The following NUP98 variants were observed in gnomAD, a reference collection of about 807,000 sequenced individuals.
NUP98 encodes the protein nuclear pore complex protein Nup98-Nup96.
NUP98 carries 26 observed loss-of-function variants against 191.9 expected under a neutral mutation model. The ratio of observed to expected loss-of-function variants is 0.14; its 90% CI spans 0.10 to 0.19. The LOEUF (loss-of-function observed/expected upper bound fraction) is 0.19, where lower values mean the gene tolerates loss of function less well. Ranked by LOEUF, NUP98 falls within the 10% of genes least tolerant of loss-of-function variation. NUP98 has a pLI of 1.00. For missense variants in NUP98, 1,941 were observed against 2,178.8 expected, an observed-to-expected ratio of 0.89 and a Z score of 2.17; for synonymous variants, 808 against 778.4, an observed-to-expected ratio of 1.04 and a Z score of -0.63.
intron 13 of NUP98, 96 bp from the exon 14 acceptor site, chr11:3,731,674 G>T: frequency 1.3e-6 from 1 of 784,362 alleles, no homozygotes; most frequent in Non-Finnish European, 1.9e-6. Context: ...CCTCATCTTT[G>T]TCATTCACCT....
intron 23 of NUP98, among the ~76,000 whole-genome samples, chr11:3,701,634 A>G (rs970873658): frequency 6.6e-6 from 1 of 151,970 alleles, no homozygotes; most frequent in Non-Finnish European, 1.5e-5. Context: ...GTTTAGGATC[A>G]GTATTCTTAA....
intron 12 of NUP98, among the ~76,000 whole-genome samples, chr11:3,739,730 T>C (rs1317010042): frequency 6.6e-6 from 1 of 151,994 alleles, no homozygotes; most frequent in Non-Finnish European, 1.5e-5. Context: ...ATCTAACAAA[T>C]TTCTAGGGGA....
At chr11:3,682,795 AT>A (rs2078019426) in intron 30 of NUP98, among the ~76,000 whole-genome samples, 1 of 152,242 alleles carries the variant, frequency 6.6e-6, no homozygotes, top group Non-Finnish European at 1.5e-5. Flanking sequence ...CAAACCTTTA[AT>A]TTGTAAAAAA....
intron 12 of NUP98, 30 bp from the exon 13 acceptor site, chr11:3,735,354 A>T: frequency 8.9e-7 from 1 of 1,125,792 alleles, no homozygotes; most frequent in Non-Finnish European, 1.2e-6. Context: ...AAAACAAAAT[A>T]TATATATATA....
chr11:3,734,717 G>C (rs999518499), intron 13 of NUP98, among the ~76,000 whole-genome samples: 4 of 152,116 alleles, frequency 2.6e-5, no homozygotes, highest in Admixed American at 2.6e-4. Flanking sequence ...TGCCACTTAA[G>C]AGCATTATGA....
chr11:3,718,261 C>T (rs2079258459), intron 18 of NUP98, among the ~76,000 whole-genome samples: 1 of 152,108 alleles, frequency 6.6e-6, no homozygotes, highest in Non-Finnish European at 1.5e-5. Context: ...ATTGGCCCGG[C>T]ACAGTGGCTC....
intron 8 of NUP98, among the ~76,000 whole-genome samples, chr11:3,764,333 G>A (rs2081268989): frequency 6.6e-6 from 1 of 152,078 alleles, no homozygotes; most frequent in African/African-American, 2.4e-5. Flanking sequence ...TACCACAATT[G>A]GTTACCCATT....
Position 3,713,802 on chromosome 11 carries a change from G to T in NUP98, c.2577+16C>A, listed in dbSNP as rs2134174051. On this transcript the variant is annotated intron_variant, in intron 19 of 32. Transcript: ENST00000324932. ...ATATAGTTTATAAAAGTCTGAACTG[G>T]GTTAAATGACTATACCTTAAACACC... 6.2e-7 allele frequency: 1 copy of T among 1,606,164 alleles called. No individual in the cohort carries two copies. Among genetic ancestry groups the T allele is most frequent in the South Asian group, 1.1e-5 (1 of 90,228 alleles).
At chr11:3,741,536 G>A (rs2080286410) in intron 12 of NUP98, among the ~76,000 whole-genome samples, 2 of 152,096 alleles carry the variant, frequency 1.3e-5, no homozygotes, top group South Asian at 2.1e-4. Context: ...AAGGAGAATC[G>A]CTTCAATCCA....
At chr11:3,701,778 C>A (rs924021119) in intron 23 of NUP98, among the ~76,000 whole-genome samples, 2 of 151,276 alleles carry the variant, frequency 1.3e-5, no homozygotes, top group African/African-American at 4.9e-5. Context: ...CTCCGCCTCC[C>A]GGGTTCACAC....
intron 1 of NUP98, among the ~76,000 whole-genome samples, chr11:3,791,110 T>G (rs552334574): frequency 2.0e-5 from 3 of 151,992 alleles, no homozygotes; most frequent in African/African-American, 4.8e-5. Context: ...TTAGCCAGGA[T>G]GGTCTCGATC....
intron 22 of NUP98, 121 bp downstream of exon 22, chr11:3,705,079 A>T (rs1263402342): frequency 2.3e-6 from 2 of 860,506 alleles, no homozygotes; most frequent in Non-Finnish European, 3.7e-6. Context: ...CTTATGTCAC[A>T]GGTATAGTTG....
At chr11:3,791,084 A>AT (rs1564937589) in intron 1 of NUP98, among the ~76,000 whole-genome samples, 3 of 151,816 alleles carry the variant, frequency 2.0e-5, no homozygotes, top group Non-Finnish European at 2.9e-5. Flanking sequence ...TTTAGTAGAG[A>AT]CGGGTTTTCA....
rs1370016530 is a variant in NUP98 at position 3,775,369 on chromosome 11, C to CA, written c.495+512dup. ...CCATGGTGAAACGCCATCTCTACTACAAAAAACTACAAAAAAATTAGCTGG... is the reference window on the plus strand; with the variant it reads ...CCATGGTGAAACGCCATCTCTACTACAAAAAAACTACAAAAAAATTAGCTGG... On this transcript the variant is annotated intron_variant, in intron 5 of 32. Coordinates refer to ENST00000324932, the MANE Select transcript of NUP98 (RefSeq NM_016320.5). Among the ~76,000 whole-genome samples, 7 of 151,858 alleles carry CA rather than the reference C, an allele frequency of 4.6e-5. 1 individual carries two copies. In the Middle Eastern group the frequency reaches 0.017, roughly 369 times the overall value.
intron 12 of NUP98, 76 bp downstream of exon 12, chr11:3,744,433 G>C (rs2080410680): frequency 2.1e-6 from 3 of 1,440,900 alleles, no homozygotes; most frequent in South Asian, 2.7e-5. Context: ...GAATGGGACA[G>C]GTGTAGGATG....
At chr11:3,772,799 G>A (rs2081573964) in intron 6 of NUP98, among the ~76,000 whole-genome samples, 1 of 138,484 alleles carries the variant, frequency 7.2e-6, no homozygotes. Context: ...AGGCAACAGA[G>A]CAAGACTCGT....
chr11:3,788,528 T>A (rs1376653615), intron 1 of NUP98, among the ~76,000 whole-genome samples: 1 of 151,740 alleles, frequency 6.6e-6, no homozygotes, highest in Non-Finnish European at 1.5e-5. Context: ...GAGGTGGAGG[T>A]TGCTGTGAGC....
intron 30 of NUP98, among the ~76,000 whole-genome samples, chr11:3,681,540 C>A (rs1485817818): frequency 1.3e-5 from 2 of 152,188 alleles, no homozygotes; most frequent in Admixed American, 6.5e-5. Context: ...ACATTAACCT[C>A]CTTATACGTC....
rs2079570021 is a variant in NUP98 at position 3,725,203 on chromosome 11, A to G, written c.1747T>C (p.Leu583=). The G allele has an allele frequency of 6.5e-7, 1 of 1,530,668 alleles. No homozygotes were observed. Among genetic ancestry groups the G allele is most frequent in the Non-Finnish European group, 9.0e-7 (1 of 1,107,714 alleles). The allele number at this position is 1,530,668 out of a possible 1,614,324, so 94.8% of individuals were successfully genotyped here. A position where few individuals can be genotyped will look rare whatever the true frequency, so the allele number is the denominator to read the frequency against. ...AFMPKKSIKK[L]VLKNLNNSNL... ...CTATTATTAAGGTTCTTCAAAACCA[A>G]CTTCTTAATGCTCTTCCTATAAACA... The change falls in exon 15 of 33, where the codon TTG becomes CTG. Residue 583 remains leucine (L), a synonymous_variant. Coordinates refer to ENST00000324932, the MANE Select transcript of NUP98 (RefSeq NM_016320.5).
Sources: gnomAD v4.1 joint callset for allele counts (sites outside exome capture counted in the v4.1 genomes callset) on GRCh38, gnomAD v4.1.1 for gene constraint, MANE v1.5 for transcripts, NCBI Gene and HGNC (gene_info 2026-07-23, HGNC 2026-07-21) for gene names.